Variants in MICU1 observed in about 807,000 individuals in gnomAD.
MICU1 encodes calcium uptake protein 1, mitochondrial.
In MICU1, 45 loss-of-function variants were observed where a neutral mutation model predicts 56.8. The ratio of observed to expected loss-of-function variants is 0.79; its 90% CI spans 0.62 to 1.02. The LOEUF is 1.02. MICU1 is among the 50% of genes least tolerant of loss of function. The pLI is 0.00. For missense variants in MICU1, 504 were observed against 587.1 expected, an observed-to-expected ratio of 0.86 and a Z score of 1.46; for synonymous variants, 186 against 195.1, an observed-to-expected ratio of 0.95 and a Z score of 0.39.
At chr10:72,512,043 T>C (rs1005695781) in intron 5 of MICU1, among the ~76,000 whole-genome samples, 1 of 149,810 alleles carries the variant, frequency 6.7e-6, no homozygotes, top group Admixed American at 6.7e-5. Context: ...AAATTACTGA[T>C]ACCTAAAATG....
At chr10:72,601,256 T>C (rs569767055) in intron 1 of MICU1, among the ~76,000 whole-genome samples, 3 of 151,990 alleles carry the variant, frequency 2.0e-5, no homozygotes, top group African/African-American at 7.2e-5. Flanking sequence ...ACCCTGTATC[T>C]ACAAAAACTA....
intron 7 of MICU1, among the ~76,000 whole-genome samples, chr10:72,476,553 C>T (rs1364052975): frequency 6.6e-6 from 1 of 152,128 alleles, no homozygotes; most frequent in African/African-American, 2.4e-5. Context: ...ATATAATGTA[C>T]CTGATACTTT....
At chr10:72,491,850 C>G (rs957433037) in intron 6 of MICU1, among the ~76,000 whole-genome samples, 2 of 151,812 alleles carry the variant, frequency 1.3e-5, no homozygotes, top group Non-Finnish European at 2.9e-5. Context: ...TGGAATTCTA[C>G]AGTACCATAA....
chr10:72,597,654 G>A (rs527373975), intron 1 of MICU1, among the ~76,000 whole-genome samples: 9 of 152,190 alleles, frequency 5.9e-5, no homozygotes, highest in East Asian at 1.9e-4. Context: ...AAAATTTCAC[G>A]TCTAAACATG....
chr10:72,455,474 TGTTCTATGTATCATGA>T (rs1265865856), intron 8 of MICU1, among the ~76,000 whole-genome samples: 1 of 152,142 alleles, frequency 6.6e-6, no homozygotes, highest in Non-Finnish European at 1.5e-5. Flanking sequence ...TGTTATCATG[TGTTCTATGTATCATGA>T]GAACATAATC....
At chr10:72,578,710 C>T (rs947526581) in intron 1 of MICU1, among the ~76,000 whole-genome samples, 3 of 151,968 alleles carry the variant, frequency 2.0e-5, no homozygotes, top group African/African-American at 2.4e-5. Flanking sequence ...CAGGTTCAAG[C>T]GACTCTCCTG....
chr10:72,562,373 T>C (rs1840322398), intron 3 of MICU1, among the ~76,000 whole-genome samples: 1 of 152,024 alleles, frequency 6.6e-6, no homozygotes, highest in African/African-American at 2.4e-5. Context: ...AGGTTGGTCT[T>C]GAACTTCTGA....
At chr10:72,576,367 C>T (rs1431799574) in intron 1 of MICU1, among the ~76,000 whole-genome samples, 1 of 150,966 alleles carries the variant, frequency 6.6e-6, no homozygotes, top group African/African-American at 2.4e-5. Context: ...AAAAGTGCTA[C>T]TCCAATGAAC....
intron 10 of MICU1, among the ~76,000 whole-genome samples, chr10:72,389,035 T>C (rs1011290358): frequency 6.6e-6 from 1 of 152,254 alleles, no homozygotes; most frequent in Non-Finnish European, 1.5e-5. Context: ...CTAAGCATTG[T>C]GCCTGGCACA....
At chr10:72,452,037 T>C (rs1295079922) in intron 8 of MICU1, among the ~76,000 whole-genome samples, 1 of 151,892 alleles carries the variant, frequency 6.6e-6, no homozygotes, top group Non-Finnish European at 1.5e-5. Context: ...GCTAATTTTT[T>C]CTGTATTTTT....
intron 9 of MICU1, among the ~76,000 whole-genome samples, chr10:72,412,166 G>A (rs1428199380): frequency 6.6e-6 from 1 of 152,050 alleles, no homozygotes; most frequent in Non-Finnish European, 1.5e-5. Flanking sequence ...AAAATCCAGA[G>A]GGCTATTAGA....
chr10:72,525,665 C>T (rs1011902986), intron 5 of MICU1, among the ~76,000 whole-genome samples: 1 of 152,044 alleles, frequency 6.6e-6, no homozygotes, highest in Non-Finnish European at 1.5e-5. Flanking sequence ...TTCAAGTAAA[C>T]GAAGAAAGAA....
chr10:72,507,403 A>C (rs1323707967), intron 6 of MICU1, among the ~76,000 whole-genome samples: 1 of 152,196 alleles, frequency 6.6e-6, no homozygotes, highest in Non-Finnish European at 1.5e-5. Flanking sequence ...TCAATGCTCT[A>C]AGTGAGTCAA....
chr10:72,491,839 T>C (rs1267826087), intron 6 of MICU1, among the ~76,000 whole-genome samples: 1 of 152,116 alleles, frequency 6.6e-6, no homozygotes, highest in East Asian at 1.9e-4. Flanking sequence ...AAATGAACTT[T>C]TGGAATTCTA....
Position 72,376,209 on chromosome 10 carries a change from C to T in MICU1, c.1181-337G>A, listed in dbSNP as rs532656211. ...CAGAGAATTGCTTGAACCCGAGAGG[C>T]GGAGGTTGCAGTGAGCTGAGATCAC... On this transcript the variant is annotated intron_variant, in intron 10 of 11. Transcript: ENST00000361114. Among the ~76,000 whole-genome samples, 291 of 151,112 alleles carry T rather than the reference C, an allele frequency of 1.9e-3. 3 individuals are homozygous for T. The highest frequency in any genetic ancestry group is 6.7e-3 in the African/African-American group (275 of 41,132).
chr10:72,396,445 T>C (rs1051627667), intron 10 of MICU1, among the ~76,000 whole-genome samples: 2 of 152,162 alleles, frequency 1.3e-5, no homozygotes, highest in Admixed American at 1.3e-4. Flanking sequence ...CTTTGATGAG[T>C]TGACAGAAGT....
intron 1 of MICU1, among the ~76,000 whole-genome samples, chr10:72,613,871 G>A (rs1841914486): frequency 6.6e-6 from 1 of 152,124 alleles, no homozygotes; most frequent in Non-Finnish European, 1.5e-5. Flanking sequence ...TAGGCTGGGT[G>A]CAGTGGCTCA....
rs992001772 is a variant in MICU1, at chr10:72,549,517, A to G, written c.493+1662T>C. Among the ~76,000 whole-genome samples the G allele has an allele frequency of 2.0e-5, 3 of 151,886 alleles. No homozygotes were observed. The East Asian group carries it at 5.8e-4, about 29-fold the overall frequency. ...ATCTGTTTGTATTTTTGACCACACA[A>G]TTTACTCACTCTGAATGATGCCTTT... is the stretch of plus-strand genomic sequence containing the variant. On this transcript the variant is annotated intron_variant, in intron 4 of 11. Transcript: ENST00000361114.
chr10:72,496,902 C>A (rs887325138), intron 6 of MICU1, among the ~76,000 whole-genome samples: 2 of 151,984 alleles, frequency 1.3e-5, no homozygotes, highest in African/African-American at 4.8e-5. Context: ...ATTTAGCCAA[C>A]AAATATATAT....
Sources: allele counts gnomAD v4.1 joint callset (sites outside exome capture counted in the v4.1 genomes callset), GRCh38; gene constraint gnomAD v4.1.1; transcripts MANE v1.5; gene names NCBI Gene and HGNC (gene_info 2026-07-23, HGNC 2026-07-21).